Variants in ATP9B observed in about 807,000 individuals in gnomAD.
The protein encoded by ATP9B is ATPase phospholipid transporting 9B, also known as probable phospholipid-transporting ATPase IIB.
In ATP9B, 110 loss-of-function variants were observed where a neutral mutation model predicts 146.1. The ratio of observed to expected loss-of-function variants is 0.75; its 90% CI spans 0.65 to 0.88. ATP9B has a LOEUF of 0.88. ATP9B is among the 40% of genes least tolerant of loss of function. The pLI is 0.00. For synonymous variants in ATP9B, 604 were observed against 569.7 expected, an observed-to-expected ratio of 1.06 and a Z score of -0.86; for missense variants, 1,499 against 1,496.4, an observed-to-expected ratio of 1.00 and a Z score of -0.03.
At chr18:79,167,590 C>G (rs185771142) in intron 7 of ATP9B, among the ~76,000 whole-genome samples, 292 of 152,272 alleles carry the variant, frequency 1.9e-3, no homozygotes, top group African/African-American at 6.8e-3. Flanking sequence ...CTTCCCACAG[C>G]TGGTAGTCCC....
At chr18:79,336,843 CAG>C in intron 18 of ATP9B, 132 bp downstream of exon 18, 1 of 864,220 alleles carries the variant, frequency 1.2e-6, no homozygotes, top group East Asian at 2.7e-5. Flanking sequence ...CTTCGCTCAG[CAG>C]GAGCATGGGG....
At chr18:79,231,779 T>TAA (rs2095794340) in intron 11 of ATP9B, among the ~76,000 whole-genome samples, 1 of 74,464 alleles carries the variant, frequency 1.3e-5, no homozygotes, top group Non-Finnish European at 2.9e-5. Flanking sequence ...TGTGTGTGTG[T>TAA]ATATATATAT....
intron 5 of ATP9B, among the ~76,000 whole-genome samples, chr18:79,141,426 C>A (rs528912124): frequency 1.3e-5 from 2 of 152,084 alleles, no homozygotes; most frequent in Admixed American, 6.5e-5. Flanking sequence ...TTAACTAGTT[C>A]ATTAAAAAAC....
At chr18:79,328,243 T>C (rs2096772049) in intron 15 of ATP9B, among the ~76,000 whole-genome samples, 1 of 152,222 alleles carries the variant, frequency 6.6e-6, no homozygotes, top group Non-Finnish European at 1.5e-5. Flanking sequence ...AGCTGCATAA[T>C]AGGATTGGCA....
intron 11 of ATP9B, among the ~76,000 whole-genome samples, chr18:79,214,476 A>G (rs563249395): frequency 6.6e-6 from 1 of 152,332 alleles, no homozygotes; most frequent in East Asian, 1.9e-4. Flanking sequence ...ATGTCAGAAG[A>G]AGCATATTGA....
At chr18:79,373,008 C>T (rs1035055663) in intron 27 of ATP9B, 126 bp downstream of exon 27, 12 of 612,282 alleles carry the variant, frequency 2.0e-5, no homozygotes, top group African/African-American at 1.3e-4. Flanking sequence ...TTAAATACTC[C>T]CTTCTGTTTA....
intron 2 of ATP9B, among the ~76,000 whole-genome samples, chr18:79,107,320 G>A (rs2075718418): frequency 6.6e-6 from 1 of 152,202 alleles, no homozygotes; most frequent in Admixed American, 6.5e-5. Context: ...TGTGGCTGAT[G>A]TGACTGAGGA....
intron 5 of ATP9B, among the ~76,000 whole-genome samples, chr18:79,141,420 C>T (rs183744611): frequency 1.1e-3 from 170 of 152,212 alleles, no homozygotes; most frequent in African/African-American, 4.0e-3. Flanking sequence ...TCACTATTAA[C>T]TAGTTCATTA....
intron 11 of ATP9B, among the ~76,000 whole-genome samples, chr18:79,240,302 G>A (rs1023109258): frequency 5.3e-5 from 8 of 152,172 alleles, no homozygotes. Flanking sequence ...AATGAAAATG[G>A]TAGAAGAAAA....
chr18:79,151,764 G>C (rs2094693810), intron 6 of ATP9B, among the ~76,000 whole-genome samples: 1 of 150,138 alleles, frequency 6.7e-6, no homozygotes, highest in African/African-American at 2.5e-5. Context: ...GGATACATGT[G>C]CAGAACGTGC....
At chr18:79,253,343 T>C in intron 11 of ATP9B, 38 bp from the exon 12 acceptor site, 1 of 1,571,960 alleles carries the variant, frequency 6.4e-7, no homozygotes, top group Non-Finnish European at 8.6e-7. Context: ...AGGGACATTG[T>C]GGTTAGCTTG....
At chr18:79,240,155 A>G (rs1015328117) in intron 11 of ATP9B, among the ~76,000 whole-genome samples, 17 of 152,358 alleles carry the variant, frequency 1.1e-4, no homozygotes, top group African/African-American at 3.6e-4. Context: ...GCTGGACTCA[A>G]TATTCCCCTC....
At chr18:79,213,546 TA>T (rs1290955433) in intron 10 of ATP9B, among the ~76,000 whole-genome samples, 1 of 152,128 alleles carries the variant, frequency 6.6e-6, no homozygotes, top group African/African-American at 2.4e-5. Context: ...GGAAATACAC[TA>T]AAAGAAAGTG....
chr18:79,245,805 G>C (rs115746159), intron 11 of ATP9B, among the ~76,000 whole-genome samples: 139 of 143,018 alleles, frequency 9.7e-4, no homozygotes, highest in Non-Finnish European at 1.6e-3. Context: ...GACTGAGGAG[G>C]GTACCACCCT....
intron 12 of ATP9B, among the ~76,000 whole-genome samples, chr18:79,259,718 A>C (rs930366749): frequency 2.6e-5 from 4 of 152,220 alleles, no homozygotes; most frequent in Non-Finnish European, 4.4e-5. Flanking sequence ...GAAGACCAAA[A>C]GTGTCAGGCA....
chr18:79,269,726 A>G (rs2096237821), intron 12 of ATP9B, among the ~76,000 whole-genome samples: 2 of 152,314 alleles, frequency 1.3e-5, no homozygotes, highest in South Asian at 2.1e-4. Flanking sequence ...TAAGACATAC[A>G]CACTTGCTTC....
At chr18:79,272,043 A>G (rs1331669673) in intron 12 of ATP9B, among the ~76,000 whole-genome samples, 1 of 152,194 alleles carries the variant, frequency 6.6e-6, no homozygotes, top group Non-Finnish European at 1.5e-5. Context: ...TCTTCTTTTG[A>G]GAAGTGCTTG....
rs1555714764 is a variant in ATP9B at position 79,157,405 on chromosome 18, A to AAAAAAACAAAC, written c.778+2856_778+2857insCAAACAAAAAA. 4.2e-4 allele frequency among the ~76,000 whole-genome samples: 52 copies of AAAAAAACAAAC among 124,682 alleles called. 3 individuals carry two copies. The East Asian group carries it at 0.014, about 33-fold the overall frequency. 81.8% of individuals were successfully genotyped at this position (124,682 alleles called of 152,430 possible). A position where few individuals can be genotyped will look rare whatever the true frequency, so the allele number is the denominator to read the frequency against. ...GAGTGAAACTCCATCTCAAAAAAAA[A>AAAAAAACAAAC]AAAAAAAAAAAAAAAAAAACATGTA... On this transcript the variant is annotated intron_variant, in intron 7 of 29. Transcript: ENST00000426216.
intron 12 of ATP9B, among the ~76,000 whole-genome samples, chr18:79,276,252 C>T (rs1470468137): frequency 6.6e-6 from 1 of 152,226 alleles, no homozygotes; most frequent in East Asian, 1.9e-4. Flanking sequence ...TCCAGGCCTA[C>T]AGGGTTCCAG....
Sources: allele counts gnomAD v4.1 joint callset (sites outside exome capture counted in the v4.1 genomes callset), GRCh38; gene constraint gnomAD v4.1.1; transcripts MANE v1.5; gene names NCBI Gene and HGNC (gene_info 2026-07-23, HGNC 2026-07-21).